TBL1XR1: variants seen among roughly 807,000 people sequenced by gnomAD.
The protein encoded by TBL1XR1 is F-box-like/WD repeat-containing protein TBL1XR1.
In TBL1XR1, 5 loss-of-function variants were observed where a neutral mutation model predicts 66.9. The observed-to-expected ratio is 0.07, with a 90% CI of 0.04 to 0.16. The LOEUF is 0.16. TBL1XR1 is among the 10% of genes least tolerant of loss of function. The pLI, the probability that TBL1XR1 is intolerant of heterozygous loss-of-function variation, is 1.00. For missense variants in TBL1XR1, 238 were observed against 623.2 expected (o/e 0.38, Z 6.58); for synonymous variants, 210 against 206.0 (o/e 1.02, Z -0.17).
At chr3:177,052,711 C>T (rs1717261015) in intron 4 of TBL1XR1, among the ~76,000 whole-genome samples, 1 of 152,064 alleles carries the variant, frequency 6.6e-6, no homozygotes, top group Non-Finnish European at 1.5e-5. Flanking sequence ...ATCATTGATA[C>T]AGAAATCATA....
chr3:177,104,684 A>T (rs1724653820), intron 1 of TBL1XR1, among the ~76,000 whole-genome samples: 1 of 152,240 alleles, frequency 6.6e-6, no homozygotes, highest in South Asian at 2.1e-4. Flanking sequence ...ACCAATTTTT[A>T]AAAATAAGCT....
At chr3:177,122,408 G>A (rs541745434) in intron 1 of TBL1XR1, among the ~76,000 whole-genome samples, 1 of 151,970 alleles carries the variant, frequency 6.6e-6, no homozygotes, top group African/African-American at 2.4e-5. Context: ...AGAGCATCAA[G>A]AAGTTCAGCA....
At chr3:177,150,374 C>T (rs1577318330) in intron 1 of TBL1XR1, among the ~76,000 whole-genome samples, 1 of 152,088 alleles carries the variant, frequency 6.6e-6, no homozygotes, top group East Asian at 1.9e-4. Flanking sequence ...GCAAAATAAG[C>T]CAGACAACAG....
chr3:177,040,010 A>G (rs987447775), intron 10 of TBL1XR1, among the ~76,000 whole-genome samples: 1 of 152,202 alleles, frequency 6.6e-6, no homozygotes, highest in Non-Finnish European at 1.5e-5. Flanking sequence ...ATTTAAAGAA[A>G]AAACTTAAAG....
intron 2 of TBL1XR1, among the ~76,000 whole-genome samples, chr3:177,089,765 C>T (rs979229323): frequency 1.1e-4 from 16 of 152,274 alleles, no homozygotes; most frequent in Admixed American, 9.2e-4. Flanking sequence ...GATTGATCGA[C>T]ACAGTTGGTA....
intron 1 of TBL1XR1, among the ~76,000 whole-genome samples, chr3:177,117,343 G>A (rs1450707250): frequency 6.6e-6 from 1 of 152,132 alleles, no homozygotes; most frequent in African/African-American, 2.4e-5. Context: ...TTCAGCAACA[G>A]CAAATAATGG....
rs775836566 is a variant in TBL1XR1 at position 177,062,307 on chromosome 3, C to T, written c.58+2613G>A. ...TATTGTGAATATGCTAAATGCTTGC[C>T]AATTGTCTTGTCAAGTTCTAATTGT... is the stretch of plus-strand genomic sequence containing the variant. On this transcript the variant is annotated intron_variant, in intron 3 of 15. Transcript: ENST00000457928. 1.1e-3 allele frequency among the ~76,000 whole-genome samples: 171 copies of T among 152,270 alleles called. 5 individuals are homozygous for T. Among genetic ancestry groups the T allele is most frequent in the Admixed American group, 0.011 (171 of 15,300 alleles).
chr3:177,098,005 G>C (rs755554161), intron 2 of TBL1XR1, among the ~76,000 whole-genome samples: 1 of 152,084 alleles, frequency 6.6e-6, no homozygotes, highest in African/African-American at 2.4e-5. Flanking sequence ...TCAGGGGTTC[G>C]AGACCAGCCT....
intron 1 of TBL1XR1, among the ~76,000 whole-genome samples, chr3:177,182,004 T>TTC (rs1345231531): frequency 1.3e-5 from 2 of 151,724 alleles, no homozygotes; most frequent in Admixed American, 6.6e-5. Context: ...CCCTAGCAAG[T>TTC]TCTACACTGT....
chr3:177,020,018 T>G lies in TBL1XR1; in HGVS notation c.*5480A>C, dbSNP rs1217413888. 6.6e-6 allele frequency: 1 copy of G among 151,874 alleles called. No homozygotes were observed. Among genetic ancestry groups the G allele is most frequent in the Non-Finnish European group, 1.5e-5 (1 of 67,954 alleles). 9.4% of individuals were successfully genotyped at this position (151,874 alleles called of 1,614,324 possible). A position where few individuals can be genotyped will look rare whatever the true frequency, so the allele number is the denominator to read the frequency against. Reference sequence around the variant, plus strand: ...AAAAAAAGAAAATATGCTCAATGATTCTTTTTAAAAAGTCTCTAACTCTAA... The same window carrying G: ...AAAAAAAGAAAATATGCTCAATGATGCTTTTTAAAAAGTCTCTAACTCTAA... On this transcript the variant is annotated 3_prime_UTR_variant, in exon 16 of 16. Transcript: ENST00000457928.
intron 2 of TBL1XR1, among the ~76,000 whole-genome samples, chr3:177,086,017 A>G (rs965539621): frequency 1.3e-5 from 2 of 152,102 alleles, no homozygotes; most frequent in Admixed American, 1.3e-4. Flanking sequence ...AATGAGAACT[A>G]AACAAGAGAA....
chr3:177,157,071 GCA>G (rs1403343446), intron 1 of TBL1XR1, among the ~76,000 whole-genome samples: 8 of 152,128 alleles, frequency 5.3e-5, no homozygotes. Context: ...TCTGGGCCAG[GCA>G]CAGTGTCTCA....
chr3:177,071,528 TA>T (rs1720012630), intron 2 of TBL1XR1, among the ~76,000 whole-genome samples: 1 of 151,588 alleles, frequency 6.6e-6, no homozygotes, highest in African/African-American at 2.4e-5. Flanking sequence ...AGGGCTAGAG[TA>T]AAAATGTCCA....
intron 1 of TBL1XR1, among the ~76,000 whole-genome samples, chr3:177,141,352 G>C (rs1048238192): frequency 6.6e-6 from 1 of 152,198 alleles, no homozygotes; most frequent in Non-Finnish European, 1.5e-5. Context: ...ATACCAGGTA[G>C]AAGTTAAGTA....
intron 2 of TBL1XR1, among the ~76,000 whole-genome samples, chr3:177,076,222 A>T (rs1720686218): frequency 6.6e-6 from 1 of 152,176 alleles, no homozygotes. Context: ...AAGCACTTCC[A>T]AAAAAGCCAC....
At chr3:177,187,686 T>C (rs932408747) in intron 1 of TBL1XR1, among the ~76,000 whole-genome samples, 1 of 152,092 alleles carries the variant, frequency 6.6e-6, no homozygotes, top group African/African-American at 2.4e-5. Context: ...AGTCACTGAA[T>C]GTCTCTTTAC....
intron 2 of TBL1XR1, among the ~76,000 whole-genome samples, chr3:177,091,685 G>A (rs73187530): frequency 0.091 from 13,804 of 152,108 alleles, 746 homozygotes; most frequent in Admixed American, 0.17. Context: ...AAATCCACAC[G>A]CTCACAATAA....
At chr3:177,106,131 A>C (rs892880466) in intron 1 of TBL1XR1, among the ~76,000 whole-genome samples, 2 of 152,212 alleles carry the variant, frequency 1.3e-5, no homozygotes, top group African/African-American at 2.4e-5. Flanking sequence ...GGGCCTAAAA[A>C]GACTTCAAAA....
rs190473889 is a variant in TBL1XR1 at position 177,128,062 on chromosome 3, T to C, written c.-121-29521A>G. ...GGTGAAACCCCCATCTCTACTAAAATGCAAAAATTAGTTGGGCGTGGTGGT... is the reference window on the plus strand; with the variant it reads ...GGTGAAACCCCCATCTCTACTAAAACGCAAAAATTAGTTGGGCGTGGTGGT... On this transcript the variant is annotated intron_variant, in intron 1 of 15. Transcript: ENST00000457928. Among the ~76,000 whole-genome samples, 28 of 151,906 alleles carry C rather than the reference T, an allele frequency of 1.8e-4. No homozygotes were observed. The East Asian group carries it at 5.1e-3, about 28-fold the overall frequency.
Sources: allele counts gnomAD v4.1 joint callset (sites outside exome capture counted in the v4.1 genomes callset), GRCh38; gene constraint gnomAD v4.1.1; transcripts MANE v1.5; gene names NCBI Gene and HGNC (gene_info 2026-07-23, HGNC 2026-07-21).